Variants in MCTP2 observed in about 807,000 individuals in gnomAD.
The protein encoded by MCTP2 is multiple C2 and transmembrane domain-containing protein 2.
MCTP2 carries 132 observed loss-of-function variants against 111.6 expected under a neutral mutation model. The observed-to-expected ratio is 1.18, with a 90% CI of 1.03 to 1.37. The LOEUF (loss-of-function observed/expected upper bound fraction) is 1.37, where lower values mean the gene tolerates loss of function less well. Ranked by LOEUF, MCTP2 falls within the 40% of genes most tolerant of loss-of-function variation. MCTP2 has a pLI of 0.00. For synonymous variants in MCTP2, 395 were observed against 387.7 expected, an observed-to-expected ratio of 1.02 and a Z score of -0.22; for missense variants, 1,183 against 1,067.9, an observed-to-expected ratio of 1.11 and a Z score of -1.50.
At position 94,351,017 on chromosome 15, in the gene MCTP2, A is replaced by G. The variant is rs1033155817; in HGVS notation, c.1006-5120A>G. Reference sequence around the variant, plus strand: ...ATCTATTTTTATTTTTAAGTACAAAAATTGAGTGACAATTTTATCTTATAA... The same window carrying G: ...ATCTATTTTTATTTTTAAGTACAAAGATTGAGTGACAATTTTATCTTATAA... On this transcript the variant is annotated intron_variant, in intron 8 of 22. Transcript: ENST00000357742. Among the ~76,000 whole-genome samples the G allele has an allele frequency of 4.0e-5, 6 of 151,718 alleles. No homozygotes were observed. In the East Asian group the frequency reaches 1.2e-3, roughly 29 times the overall value.
chr15:94,370,271 G>A, intron 12 of MCTP2, 91 bp downstream of exon 12: 2 of 1,029,052 alleles, frequency 1.9e-6, no homozygotes, highest in African/African-American at 1.6e-5. Context: ...ATAAGCAGAA[G>A]TATGACTATA....
At chr15:94,247,074 AGAG>A (rs2030474624) in intron 1 of MCTP2, among the ~76,000 whole-genome samples, 1 of 152,206 alleles carries the variant, frequency 6.6e-6, no homozygotes, top group African/African-American at 2.4e-5. Context: ...GAGTGTAGGA[AGAG>A]TTTATTAATT....
At chr15:94,280,078 T>C (rs1443997989) in intron 1 of MCTP2, among the ~76,000 whole-genome samples, 1 of 152,130 alleles carries the variant, frequency 6.6e-6, no homozygotes, top group Non-Finnish European at 1.5e-5. Flanking sequence ...GTGCCAGGTA[T>C]TGATATCAGA....
chr15:94,355,658 T>C (rs769558508), intron 8 of MCTP2, among the ~76,000 whole-genome samples: 126 of 152,316 alleles, frequency 8.3e-4, no homozygotes, highest in Non-Finnish European at 1.2e-3. Context: ...ATAGGGCTTT[T>C]GGTAGTATCC....
intron 19 of MCTP2, among the ~76,000 whole-genome samples, chr15:94,452,256 A>C (rs1333375939): frequency 4.6e-5 from 7 of 152,220 alleles, no homozygotes; most frequent in Non-Finnish European, 7.3e-5. Context: ...AAGACCCATA[A>C]AATCAATAGC....
intron 10 of MCTP2, among the ~76,000 whole-genome samples, chr15:94,367,242 C>A (rs1177471497): frequency 6.6e-6 from 1 of 152,142 alleles, no homozygotes; most frequent in East Asian, 1.9e-4. Flanking sequence ...AAAGGCACAG[C>A]CCACGGAAGC....
chr15:94,426,090 T>G (rs2082874037), intron 17 of MCTP2, among the ~76,000 whole-genome samples: 1 of 151,784 alleles, frequency 6.6e-6, no homozygotes, highest in Admixed American at 6.6e-5. Flanking sequence ...CTTTTGACCA[T>G]TGATTATTTT....
At chr15:94,411,760 A>G (rs1315483152) in intron 17 of MCTP2, among the ~76,000 whole-genome samples, 3 of 152,180 alleles carry the variant, frequency 2.0e-5, no homozygotes. Flanking sequence ...ACAAAAAAAA[A>G]GATTTTGATA....
rs538667619 is a variant in MCTP2 at position 94,245,656 on chromosome 15, A to C, written c.-66+13992A>C. On this transcript the variant is annotated intron_variant, in intron 1 of 22. Coordinates refer to ENST00000357742, the MANE Select transcript of MCTP2 (RefSeq NM_001385001.1). Reference sequence around the variant, plus strand: ...TATACTTATACATATACATATGTATATGTAAATGTGTATATACATATGTAT... The same window carrying C: ...TATACTTATACATATACATATGTATCTGTAAATGTGTATATACATATGTAT... 4.1e-5 allele frequency among the ~76,000 whole-genome samples: 6 copies of C among 146,566 alleles called. No individual in the cohort carries two copies. In the East Asian group the frequency reaches 1.2e-3, roughly 29 times the overall value.
chr15:94,329,195 G>A lies in MCTP2; in HGVS notation c.638-10095G>A, dbSNP rs576148105. Among the ~76,000 whole-genome samples, 15 of 152,204 alleles carry A rather than the reference G, an allele frequency of 9.9e-5. No homozygotes were observed. The East Asian group carries it at 1.4e-3, about 14-fold the overall frequency. On this transcript the variant is annotated intron_variant, in intron 4 of 22. Transcript: ENST00000357742. ...TACCACAGAATTTGGGGGCTATTTT[G>A]TAAAATTACTGTAGTTCTGAAGCCT...
At chr15:94,324,931 G>A (rs1596359129) in intron 4 of MCTP2, among the ~76,000 whole-genome samples, 4 of 152,250 alleles carry the variant, frequency 2.6e-5, no homozygotes, top group Admixed American at 2.6e-4. Flanking sequence ...TTATGATGTT[G>A]CTAGAACTCT....
intron 4 of MCTP2, among the ~76,000 whole-genome samples, chr15:94,318,053 G>C (rs765931320): frequency 2.0e-5 from 3 of 152,068 alleles, no homozygotes; most frequent in African/African-American, 7.2e-5. Context: ...TCATAAACCA[G>C]TGTAGGGGTG....
intron 1 of MCTP2, among the ~76,000 whole-genome samples, chr15:94,297,784 CTGTT>C (rs780162284): frequency 1.2e-4 from 19 of 152,332 alleles, no homozygotes; most frequent in Admixed American, 3.9e-4. Flanking sequence ...TGCACTGAGA[CTGTT>C]TGTTGACCTC....
chr15:94,459,810 A>G (rs1309070140), intron 20 of MCTP2, among the ~76,000 whole-genome samples: 1 of 152,208 alleles, frequency 6.6e-6, no homozygotes, highest in East Asian at 1.9e-4. Flanking sequence ...AATTACAATA[A>G]TGATAGCAAC....
intron 19 of MCTP2, among the ~76,000 whole-genome samples, chr15:94,457,456 A>G (rs949009227): frequency 1.3e-5 from 2 of 152,140 alleles, no homozygotes; most frequent in African/African-American, 4.8e-5. Context: ...CGGAAGATGA[A>G]TTTGTATTTG....
chr15:94,311,676 G>A (rs1175222239), intron 2 of MCTP2, among the ~76,000 whole-genome samples: 2 of 152,138 alleles, frequency 1.3e-5, no homozygotes, highest in Non-Finnish European at 2.9e-5. Flanking sequence ...TAAGTTCTGT[G>A]ACTTTTCTGT....
rs1391360639 is a variant in MCTP2, at chr15:94,399,971, A to T, written c.1941A>T (p.Glu647Asp). ...CTCCCCGGGAAAAGCGCTTTGTTGA[A>T]GACAGCCGCAAGCTGTCCAAAAAGG... ...TFTPREKRFVEDSRKLSKKIL... is the reference protein window; with the variant it reads ...TFTPREKRFVDDSRKLSKKIL... The change falls in exon 16 of 23, where the codon GAA (glutamate) becomes GAT (aspartate). Residue 647 changes from glutamate (E) to aspartate (D), a missense_variant. Transcript: ENST00000357742. The T allele has an allele frequency of 1.2e-6, 2 of 1,614,010 alleles. No individual in the cohort carries two copies. Among genetic ancestry groups the T allele is most frequent in the Admixed American group, 3.3e-5 (2 of 60,014 alleles).
In MCTP2 at chr15:94,315,652, T is replaced by C; in HGVS notation, c.637+15T>C. ...AGATCGCTGTGGTAAGACCTGGGTCTGTTATGGTGGGTGTAGCCTGGAAAC... is the reference window on the plus strand; with the variant it reads ...AGATCGCTGTGGTAAGACCTGGGTCCGTTATGGTGGGTGTAGCCTGGAAAC... On this transcript the variant is annotated intron_variant, in intron 4 of 22. Transcript: ENST00000357742. The C allele has an allele frequency of 6.3e-7, 1 of 1,587,830 alleles. No individual in the cohort carries two copies. The highest frequency in any genetic ancestry group is 8.6e-7 in the Non-Finnish European group (1 of 1,156,288).
chr15:94,249,564 C>A (rs1186711336), intron 1 of MCTP2, among the ~76,000 whole-genome samples: 1 of 151,870 alleles, frequency 6.6e-6, no homozygotes, highest in Non-Finnish European at 1.5e-5. Context: ...CAGCTCACTG[C>A]AACCTCCGCC....
Sources: allele counts gnomAD v4.1 joint callset (sites outside exome capture counted in the v4.1 genomes callset), GRCh38; gene constraint gnomAD v4.1.1; transcripts MANE v1.5; gene names NCBI Gene and HGNC (gene_info 2026-07-23, HGNC 2026-07-21).